CPS1: variants seen among roughly 807,000 people sequenced by gnomAD.
CPS1 encodes the protein carbamoyl-phosphate synthase [ammonia], mitochondrial.
CPS1 carries 109 observed loss-of-function variants against 174.6 expected under a neutral mutation model. The observed-to-expected ratio is 0.62, with a 90% confidence interval of 0.53 to 0.73. The LOEUF (loss-of-function observed/expected upper bound fraction) is 0.73, where lower values mean the gene tolerates loss of function less well. Among genes scored for constraint, CPS1 ranks in the 30% least tolerant of loss-of-function variants. The probability of loss-of-function intolerance (pLI) is 0.00; values close to 1 mark genes in which losing one functional copy is unlikely to be tolerated. For missense variants in CPS1, 1,689 were observed against 1,821.9 expected (o/e 0.93, Z 1.33); for synonymous variants, 637 against 632.0 (o/e 1.01, Z -0.12).
intron 34 of CPS1, 148 bp downstream of exon 34, chr2:210,668,432 C>T: frequency 1.4e-6 from 1 of 703,370 alleles, no homozygotes. Context: ...GACATTTGTT[C>T]TCTATTTGCT....
At chr2:210,586,355 G>T (rs1159552365) in intron 6 of CPS1, among the ~76,000 whole-genome samples, 1 of 151,916 alleles carries the variant, frequency 6.6e-6, no homozygotes, top group Non-Finnish European at 1.5e-5. Flanking sequence ...TTTAAAATTG[G>T]TCCCATTCAT....
chr2:210,678,046 C>G lies in CPS1; in HGVS notation c.*61C>G. 8.1e-7 allele frequency: 1 copy of G among 1,229,934 alleles called. No homozygotes were observed. The highest frequency in any genetic ancestry group is 1.2e-6 in the Non-Finnish European group (1 of 829,310). 76.2% of individuals were successfully genotyped at this position (1,229,934 alleles called of 1,614,324 possible). Reference sequence around the variant, plus strand: ...CTGAGCCACATGTTATCTAAAGGAACTGATTCACAACTTTCTCAGAGATGA... The same window carrying G: ...CTGAGCCACATGTTATCTAAAGGAAGTGATTCACAACTTTCTCAGAGATGA... On this transcript the variant is annotated 3_prime_UTR_variant, in exon 38 of 38. Coordinates refer to ENST00000233072, the MANE Select transcript of CPS1 (RefSeq NM_001875.5).
intron 1 of CPS1, among the ~76,000 whole-genome samples, chr2:210,568,648 T>C (rs1697376335): frequency 6.6e-6 from 1 of 152,092 alleles, no homozygotes; most frequent in South Asian, 2.1e-4. Context: ...TAGGACCAGA[T>C]GTGACTTGAC....
At chr2:210,544,023 C>T (rs886795287) in intron 1 of CPS1, among the ~76,000 whole-genome samples, 28 of 152,032 alleles carry the variant, frequency 1.8e-4, no homozygotes, top group African/African-American at 6.8e-4. Flanking sequence ...GATATTCTCT[C>T]ATTAACTCGT....
In CPS1 at chr2:210,594,532, C is replaced by T; in HGVS notation, c.1189C>T (p.Leu397=). Residue 397 remains leucine, a synonymous_variant, in exon 12 of 38, where the codon CTG becomes TTG. Coordinates refer to ENST00000233072, the MANE Select transcript of CPS1 (RefSeq NM_001875.5). The stretch of plus-strand genomic sequence containing the variant: ...GTACCTGTTTGATTCCTTTTTCTCA[C>T]TGATAAAGAAAGGAAAAGCTACCAC... The part of the protein sequence containing the change: ...TEYLFDSFFS[L]IKKGKATTIT... The T allele has an allele frequency of 6.2e-7, 1 of 1,610,832 alleles. No homozygotes were observed. Among genetic ancestry groups the T allele is most frequent in the Non-Finnish European group, 8.5e-7 (1 of 1,177,992 alleles).
chr2:210,539,397 G>A (rs1444427901), intron 1 of CPS1, among the ~76,000 whole-genome samples: 1 of 152,118 alleles, frequency 6.6e-6, no homozygotes, highest in African/African-American at 2.4e-5. Flanking sequence ...ATTATCCGCA[G>A]TAGTTTCAAA....
intron 20 of CPS1, 21 bp downstream of exon 20, chr2:210,612,314 C>G (rs777229656): frequency 1.2e-6 from 2 of 1,610,670 alleles, no homozygotes; most frequent in East Asian, 4.5e-5. Context: ...ACAAGGGGCC[C>G]ACAGCTACTA....
chr2:210,676,340 C>T (rs6748782), intron 36 of CPS1, among the ~76,000 whole-genome samples: 4 of 152,012 alleles, frequency 2.6e-5, no homozygotes, highest in South Asian at 2.1e-4. Context: ...AGATTTTGTA[C>T]GACATTTTAT....
chr2:210,517,892 G>GTAAC (rs1192917011), intron 1 of CPS1, among the ~76,000 whole-genome samples: 1 of 151,910 alleles, frequency 6.6e-6, no homozygotes, highest in Non-Finnish European at 1.5e-5. Context: ...TATACCTTTG[G>GTAAC]TAACTGTTAG....
At position 210,608,425 on chromosome 2, in the gene CPS1, G is replaced by A. The variant is rs1272423772; in HGVS notation, c.2257G>A (p.Val753Ile). 3.7e-6 allele frequency: 6 copies of A among 1,612,258 alleles called. No homozygotes were observed. The highest frequency in any genetic ancestry group is 1.7e-5 in the Admixed American group (1 of 59,828). The change falls in exon 19 of 38, where the codon GTC (valine) becomes ATC (isoleucine). Residue 753 changes from valine to isoleucine, a missense_variant. Coordinates refer to ENST00000233072, the MANE Select transcript of CPS1 (RefSeq NM_001875.5). ...AATCCCACTTCCAGAAATTAAGAAC[G>A]TCGTATCCGGGAAGACATCAGCCTG... ...LGIPLPEIKN[V>I]VSGKTSACFE...
chr2:210,564,681 T>G (rs1242449154), intron 1 of CPS1, among the ~76,000 whole-genome samples: 3 of 143,912 alleles, frequency 2.1e-5, no homozygotes, highest in Non-Finnish European at 4.6e-5. Flanking sequence ...CGGCCTAGAA[T>G]GCTCATTTTA....
intron 1 of CPS1, among the ~76,000 whole-genome samples, chr2:210,535,614 A>C (rs182467320): frequency 6.6e-6 from 1 of 152,222 alleles, no homozygotes; most frequent in East Asian, 1.9e-4. Context: ...GATGAATGAC[A>C]ATGTGATTCT....
rs1335815029 is a variant in CPS1 at position 210,616,496 on chromosome 2, T to C, written c.2642T>C (p.Met881Thr). 2 of 1,611,988 alleles carry C rather than the reference T, an allele frequency of 1.2e-6. No homozygotes were observed. The highest frequency in any genetic ancestry group is 1.7e-6 in the Non-Finnish European group (2 of 1,178,552). Residue 881 changes from methionine to threonine, a missense_variant, in exon 21 of 38, where the codon ATG becomes ACG. Transcript: ENST00000233072. ...TYIDKWFLYK[M>T]RDILNMEKTL... ...ATTGACAAGTGGTTTTTGTATAAGA[T>C]GCGTGATATTTTAAACATGGAAAAG...
At chr2:210,587,579 C>CCATT (rs1244808906) in intron 6 of CPS1, among the ~76,000 whole-genome samples, 1 of 152,036 alleles carries the variant, frequency 6.6e-6, no homozygotes, top group Non-Finnish European at 1.5e-5. Flanking sequence ...CTGATTTTAT[C>CCATT]CATTAGGCCC....
intron 2 of CPS1, among the ~76,000 whole-genome samples, chr2:210,574,977 G>C (rs531237485): frequency 3.9e-5 from 6 of 152,158 alleles, no homozygotes; most frequent in African/African-American, 1.4e-4. Context: ...GCCTCACTCA[G>C]TAAGGTGGTT....
At chr2:210,509,131 A>G (rs189144572) in intron 1 of CPS1, among the ~76,000 whole-genome samples, 13 of 152,372 alleles carry the variant, frequency 8.5e-5, no homozygotes, top group African/African-American at 2.9e-4. Flanking sequence ...AAAATCCTCA[A>G]TATAATACTG....
intron 6 of CPS1, among the ~76,000 whole-genome samples, chr2:210,584,281 C>A (rs1698029652): frequency 6.6e-6 from 1 of 151,996 alleles, no homozygotes; most frequent in African/African-American, 2.4e-5. Flanking sequence ...GCTGGTTCTA[C>A]CTTGGGGTTT....
chr2:210,606,962 C>T, intron 18 of CPS1, 21 bp downstream of exon 18: 1 of 1,598,744 alleles, frequency 6.3e-7, no homozygotes. Flanking sequence ...AATAATTGAC[C>T]ATGGGTTTGC....
At chr2:210,477,964 A>G (rs1347870861) in intron 1 of CPS1, among the ~76,000 whole-genome samples, 1 of 152,236 alleles carries the variant, frequency 6.6e-6, no homozygotes, top group African/African-American at 2.4e-5. Flanking sequence ...TGGTAATTGT[A>G]TATTTTCATA....
Sources: gnomAD v4.1 joint callset for allele counts (sites outside exome capture counted in the v4.1 genomes callset) on GRCh38, gnomAD v4.1.1 for gene constraint, MANE v1.5 for transcripts, NCBI Gene and HGNC (gene_info 2026-07-23, HGNC 2026-07-21) for gene names.